The following NANOS3 variants were observed in gnomAD, a reference collection of about 807,000 sequenced individuals.
NANOS3 encodes the protein nanos C2HC-type zinc finger 3, also known as nanos homolog 3.
In NANOS3, 11 loss-of-function variants were observed where a neutral mutation model predicts 13.8. The ratio of observed to expected loss-of-function variants is 0.80; its 90% CI spans 0.50 to 1.32. The LOEUF (loss-of-function observed/expected upper bound fraction) is 1.32, where lower values mean the gene tolerates loss of function less well. Ranked by LOEUF, NANOS3 falls within the 40% of genes most tolerant of loss-of-function variation. The pLI is 0.00. For missense variants in NANOS3, 221 were observed against 263.8 expected (o/e 0.84, Z 1.12); for synonymous variants, 119 against 115.4 (o/e 1.03, Z -0.20).
At chr19:13,864,018 GGGATAAATAAACAGA>G (rs1265911748), upstream of NANOS3, among the ~76,000 whole-genome samples, 1 of 152,084 alleles carries the variant, frequency 6.6e-6, no homozygotes, top group Non-Finnish European at 1.5e-5. Context: ...ACTGGGGTGG[GGGATAAATAAACAGA>G]ATGAGAAATC....
upstream of NANOS3, chr19:13,874,786 C>T (rs1291210453): frequency 1.9e-6 from 1 of 533,894 alleles, no homozygotes; most frequent in African/African-American, 1.9e-5. Flanking sequence ...TGAGTGGACC[C>T]TGAGGCCTGG....
At chr19:13,867,248 C>T (rs902589541) in intron 1 of NANOS3, among the ~76,000 whole-genome samples, 1 of 151,996 alleles carries the variant, frequency 6.6e-6, no homozygotes, top group African/African-American at 2.4e-5. Context: ...GCCACAGTTT[C>T]CTTTTTATTT....
chr19:13,877,975 C>T (rs147961427), intron 1 of NANOS3, among the ~76,000 whole-genome samples: 1 of 152,122 alleles, frequency 6.6e-6, no homozygotes, highest in African/African-American at 2.4e-5. Context: ...GTGGCGCCAT[C>T]TCGGCTCACT....
rs1599305339 is a variant in NANOS3, at chr19:13,877,654, A to G, written c.406A>G (p.Thr136Ala). Reference protein sequence around the residue: ...RFCPLTGQGYTSVYSHTTRNS... With the variant: ...RFCPLTGQGYASVYSHTTRNS... Reference sequence around the variant, plus strand: ...CTGCCCACTTACTGGCCAGGGCTACACCTCCGTCTACAGCCACACCACCCG... The same window carrying G: ...CTGCCCACTTACTGGCCAGGGCTACGCCTCCGTCTACAGCCACACCACCCG... Residue 136 changes from threonine to alanine, a missense_variant, in exon 1 of 2, where the codon ACC (threonine) becomes GCC (alanine). Transcript: ENST00000339133. 3.1e-6 allele frequency: 5 copies of G among 1,611,550 alleles called. No homozygotes were observed. Among genetic ancestry groups the G allele is most frequent in the Non-Finnish European group, 4.2e-6 (5 of 1,179,878 alleles).
rs1209321162 is a variant in NANOS3, at chr19:13,877,244, C to T, written c.-5C>T. The T allele has an allele frequency of 6.3e-7, 1 of 1,599,804 alleles. No homozygotes were observed. The highest frequency in any genetic ancestry group is 8.5e-7 in the Non-Finnish European group (1 of 1,170,290). ...CTCCTTCCGCCTGGCACATGCTGCCCAGCTATGGGGACCTTTGACCTGTGG... is the reference window on the plus strand; with the variant it reads ...CTCCTTCCGCCTGGCACATGCTGCCTAGCTATGGGGACCTTTGACCTGTGG... On this transcript the variant is annotated 5_prime_UTR_variant, in exon 1 of 2. Coordinates refer to ENST00000339133, the MANE Select transcript of NANOS3 (RefSeq NM_001098622.3).
upstream of NANOS3, among the ~76,000 whole-genome samples, chr19:13,872,743 G>GC (rs1395446552): frequency 5.9e-5 from 9 of 152,090 alleles, no homozygotes; most frequent in South Asian, 4.1e-4. Flanking sequence ...AGCCGATCAG[G>GC]CCCCCCCACT....
chr19:13,866,884 CACAT>C (rs955894653), intron 1 of NANOS3, among the ~76,000 whole-genome samples: 11 of 152,176 alleles, frequency 7.2e-5, no homozygotes, highest in Non-Finnish European at 1.0e-4. Flanking sequence ...CACACACACA[CACAT>C]ACACACACAC....
chr19:13,871,589 AG>A (rs1422372610), intron 1 of NANOS3, among the ~76,000 whole-genome samples: 5 of 152,170 alleles, frequency 3.3e-5, no homozygotes, highest in Non-Finnish European at 5.9e-5. Context: ...AAGCCCTCAG[AG>A]GGAGGAGTGG....
chr19:13,871,078 GCTTGTCA>G (rs1028535213), intron 1 of NANOS3, among the ~76,000 whole-genome samples: 8 of 152,020 alleles, frequency 5.3e-5, no homozygotes, highest in African/African-American at 1.9e-4. Context: ...GGAGGAGACA[GCTTGTCA>G]CCTCCCACTC....
rs1357852594 is a variant in NANOS3, at chr19:13,880,463, C to T, written c.539C>T (p.Ser180Phe). The T allele has an allele frequency of 6.2e-7, 1 of 1,614,066 alleles. No homozygotes were observed. ...GGAGFRGAGK[S>F]EPSPSCSPSM... ...CTAGGTTTCAGAGGTGCCGGGAAGT[C>T]TGAGCCTTCGCCCTCCTGCTCTCCC... is the stretch of plus-strand genomic sequence containing the variant. Residue 180 changes from serine (S) to phenylalanine (F), a missense_variant, in exon 2 of 2, where the codon TCT becomes TTT. Physicochemically the swap from Ser to Phe is radical, Grantham distance 155. Around this residue, in one of 3 missense-constraint regions of NANOS3, gnomAD observed 60 missense variants for 56.5 expected, o/e 1.06. Transcript: ENST00000339133.
upstream of NANOS3, among the ~76,000 whole-genome samples, chr19:13,876,050 T>G (rs1257057882): frequency 6.6e-6 from 1 of 152,036 alleles, no homozygotes; most frequent in Non-Finnish European, 1.5e-5. Context: ...TTCTCACCCC[T>G]CTGCAGCCCC....
chr19:13,876,696 C>G (rs1294694499), upstream of NANOS3, among the ~76,000 whole-genome samples: 1 of 151,982 alleles, frequency 6.6e-6, no homozygotes, highest in Non-Finnish European at 1.5e-5. Flanking sequence ...CGCCTGGACA[C>G]ACACACACAC....
upstream of NANOS3, among the ~76,000 whole-genome samples, chr19:13,863,606 A>G (rs1976188984): frequency 1.3e-5 from 2 of 151,644 alleles, no homozygotes; most frequent in African/African-American, 4.8e-5. Flanking sequence ...GGCCCCCCCC[A>G]ACCCCATGGA....
upstream of NANOS3, among the ~76,000 whole-genome samples, chr19:13,876,900 C>T (rs1169096526): frequency 2.6e-5 from 4 of 152,126 alleles, no homozygotes; most frequent in African/African-American, 7.2e-5. Flanking sequence ...GGCAGGGTAG[C>T]CCCCCAATTC....
chr19:13,873,289 TCTCGGGGGCGCGTC>T (rs1195331131), upstream of NANOS3, among the ~76,000 whole-genome samples: 41 of 143,780 alleles, frequency 2.9e-4, no homozygotes, highest in African/African-American at 1.0e-3. Context: ...GGGGCGGGGC[TCTCGGGGGCGCGTC>T]CTCGGGGGCT....
At chr19:13,864,994 C>A (rs1199008727), upstream of NANOS3, among the ~76,000 whole-genome samples, 1 of 152,062 alleles carries the variant, frequency 6.6e-6, no homozygotes, top group East Asian at 1.9e-4. Flanking sequence ...TTGAGGTCTG[C>A]GTGCGTCTGG....
Position 13,877,739 on chromosome 19 carries a change from A to ACCG in NANOS3, c.495_497dup (p.Arg166dup). 2 of 1,582,158 alleles carry ACCG rather than the reference A, an allele frequency of 1.3e-6. No homozygotes were observed. Among genetic ancestry groups the ACCG allele is most frequent in the Non-Finnish European group, 1.7e-6 (2 of 1,166,704 alleles). On this transcript the variant is annotated inframe_insertion, in exon 1 of 2. Coordinates refer to ENST00000339133, the MANE Select transcript of NANOS3 (RefSeq NM_001098622.3). ...AAGGCGAAGACACAGGACACAGGCC[A>ACCG]CCGCCGAGGAGGAGGAGGAGGAGCA...
At position 13,880,703 on chromosome 19, in the gene NANOS3, T is replaced by C; in HGVS notation, c.*200T>C. The stretch of plus-strand genomic sequence containing the variant: ...CCCTTTGTGCCATCTGCCGTTTCCC[T>C]AGTGCTGGGCATCCAGTCAGCCCTC... On this transcript the variant is annotated 3_prime_UTR_variant, in exon 2 of 2. Coordinates refer to ENST00000339133, the MANE Select transcript of NANOS3 (RefSeq NM_001098622.3). 3 of 586,472 alleles carry C rather than the reference T, an allele frequency of 5.1e-6. No individual in the cohort carries two copies. Among genetic ancestry groups the C allele is most frequent in the Middle Eastern group, 4.5e-4 (1 of 2,216 alleles). The allele number at this position is 586,472 out of a possible 1,614,324, so 36.3% of individuals were successfully genotyped here. A position where few individuals can be genotyped will look rare whatever the true frequency, so the allele number is the denominator to read the frequency against.
At chr19:13,874,452 T>C (rs955610093), upstream of NANOS3, among the ~76,000 whole-genome samples, 1 of 152,180 alleles carries the variant, frequency 6.6e-6, no homozygotes, top group East Asian at 1.9e-4. Flanking sequence ...ACTTTGTGAA[T>C]TACTTAAGGA....
Sources: gnomAD v4.1 joint callset for allele counts (sites outside exome capture counted in the v4.1 genomes callset) on GRCh38, gnomAD v4.1.1 for gene constraint, gnomAD v4.1.1 regional missense constraint, MANE v1.5 for transcripts, NCBI Gene and HGNC (gene_info 2026-07-23, HGNC 2026-07-21) for gene names.